Variants in TOP2A observed in about 807,000 individuals in gnomAD.
TOP2A encodes the protein DNA topoisomerase 2-alpha.
A neutral mutation model predicts 187.2 loss-of-function variants in TOP2A; 68 were observed. The ratio of observed to expected loss-of-function variants is 0.36; its 90% CI spans 0.30 to 0.44. TOP2A has a LOEUF of 0.44. TOP2A is among the 20% of genes least tolerant of loss of function. TOP2A has a pLI of 1.00. For synonymous variants in TOP2A, 542 were observed against 593.2 expected, an observed-to-expected ratio of 0.91 and a Z score of 1.25; for missense variants, 1,196 against 1,808.7, an observed-to-expected ratio of 0.66 and a Z score of 6.14.
At chr17:40,408,864 G>A (rs950727133) in intron 10 of TOP2A, 1 of 628,726 alleles carries the variant, frequency 1.6e-6, no homozygotes, top group Non-Finnish European at 2.9e-6. Flanking sequence ...TAATTATATT[G>A]TGCTAGCACT....
At position 40,389,972 on chromosome 17, in the gene TOP2A, G is replaced by C. The variant is rs534100273; in HGVS notation, c.4460C>G (p.Thr1487Arg). 1.2e-6 allele frequency: 2 copies of C among 1,612,904 alleles called. No individual in the cohort carries two copies. Among genetic ancestry groups the C allele is most frequent in the Admixed American group, 3.3e-5 (2 of 59,874 alleles). The change falls in exon 34 of 35, where the codon ACA (threonine) becomes AGA (arginine). Residue 1487 changes from threonine to arginine, a missense_variant. By Grantham distance (71) the Thr-to-Arg change is moderately conservative. Around this residue, in one of 10 missense-constraint regions of TOP2A, gnomAD observed 374 missense variants for 403.3 expected, o/e 0.93. Transcript: ENST00000423485. Reference protein sequence around the residue: ...NFEKIVSKAVTSKKSKGESDD... With the variant: ...NFEKIVSKAVRSKKSKGESDD... ...ACTAGGATCAACACTCACCTTGCTT[G>C]TGACTGCTTTCGAAACAATTTTCTC...
rs768139136 is a variant in TOP2A at position 40,400,332 on chromosome 17, T to A, written c.2877A>T (p.Glu959Asp). Reference sequence around the variant, plus strand: ...ATTTCACAGTGGTATCTGTATGGTATTCCCTATAGTCTGTTATGAGAGGAG... The same window carrying A: ...ATTTCACAGTGGTATCTGTATGGTAATCCCTATAGTCTGTTATGAGAGGAG... ...KTPPLITDYR[E>D]YHTDTTVKFV... is the part of the protein sequence containing the mutation. Residue 959 changes from glutamate to aspartate, a missense_variant, in exon 23 of 35, where the codon GAA becomes GAT. Around this residue, in one of 10 missense-constraint regions of TOP2A, gnomAD observed 232 missense variants for 306.1 expected, o/e 0.76. Coordinates refer to ENST00000423485, the MANE Select transcript of TOP2A (RefSeq NM_001067.4). 8.7e-6 allele frequency: 14 copies of A among 1,613,738 alleles called. No individual in the cohort carries two copies. Among genetic ancestry groups the A allele is most frequent in the African/African-American group, 1.3e-5 (1 of 74,904 alleles).
At chr17:40,405,145 A>G (rs927963485) in intron 16 of TOP2A, among the ~76,000 whole-genome samples, 72 of 150,086 alleles carry the variant, frequency 4.8e-4, no homozygotes, top group Middle Eastern at 3.4e-3. Context: ...GCCCGCCACC[A>G]CGCCCAGCTA....
In TOP2A at chr17:40,403,061, G is replaced by A. The variant is rs574620383; in HGVS notation, c.2284-7C>T. ...TGGTCATCATTAGTGACATCTGTGG[G>A]GAAAAAAAGATTCATTAAGCTGAGG... On this transcript the variant is annotated splice_region_variant and splice_polypyrimidine_tract_variant and intron_variant, in intron 19 of 34. Coordinates refer to ENST00000423485, the MANE Select transcript of TOP2A (RefSeq NM_001067.4). The A allele has an allele frequency of 5.1e-6, 8 of 1,583,154 alleles. No individual in the cohort carries two copies. The Admixed American group carries it at 1.3e-4, about 25-fold the overall frequency.
chr17:40,402,787 T>A, intron 20 of TOP2A, 119 bp downstream of exon 20: 1 of 1,097,570 alleles, frequency 9.1e-7, no homozygotes, highest in Non-Finnish European at 1.3e-6. Context: ...ACCCCTGGCC[T>A]CTGCCACTAG....
chr17:40,413,439 A>G (rs1406139516), intron 5 of TOP2A, 41 bp downstream of exon 5: 31 of 1,461,410 alleles, frequency 2.1e-5, no homozygotes, highest in Non-Finnish European at 2.7e-5. Flanking sequence ...AAATATATAT[A>G]TTTTTAGCAA....
chr17:40,407,561 A>T lies in TOP2A; in HGVS notation c.1614T>A (p.Ile538=). ...LKTLRYGKIM[I]MTDQDQDGSH... ...TAACAAATCTGACCTGATCTGTCAT[A>T]ATCATTATCTTCCCATAACGAAGCG... The change falls in exon 13 of 35, where the codon ATT becomes ATA. Residue 538 remains isoleucine, a synonymous_variant. Transcript: ENST00000423485. The T allele has an allele frequency of 2.5e-6, 4 of 1,583,018 alleles. No homozygotes were observed. The highest frequency in any genetic ancestry group is 3.4e-6 in the Non-Finnish European group (4 of 1,172,676).
chr17:40,401,602 G>A (rs550737442), intron 20 of TOP2A, among the ~76,000 whole-genome samples: 3 of 152,048 alleles, frequency 2.0e-5, no homozygotes, highest in Admixed American at 6.5e-5. Context: ...CCAGCAACAC[G>A]GGAGGCTGAG....
intron 10 of TOP2A, chr17:40,409,333 G>C: frequency 2.5e-6 from 1 of 392,548 alleles, no homozygotes; most frequent in South Asian, 1.9e-5. Flanking sequence ...CTGAGATCAA[G>C]CCACGGCACT....
intron 13 of TOP2A, among the ~76,000 whole-genome samples, 194 bp from the exon 14 acceptor site, chr17:40,407,136 C>T (rs1192906538): frequency 3.3e-5 from 5 of 152,132 alleles, no homozygotes; most frequent in African/African-American, 4.8e-5. Context: ...TGGTGGCATC[C>T]GCCTGCAATC....
chr17:40,389,769 G>T, intron 34 of TOP2A, 122 bp from the exon 35 acceptor site: 1 of 1,351,698 alleles, frequency 7.4e-7, no homozygotes, highest in South Asian at 1.5e-5. Flanking sequence ...GTAATAAGAA[G>T]CAGATCTAAG....
chr17:40,415,057 CT>C (rs199613504), intron 4 of TOP2A, among the ~76,000 whole-genome samples: 2,443 of 140,942 alleles, frequency 0.017, 26 homozygotes, highest in Non-Finnish European at 0.025. Flanking sequence ...ATTAGCTCAA[CT>C]TTTTTTTTTT....
rs2034994671 is a variant in TOP2A, at chr17:40,389,385, T to C, written c.*134A>G. On this transcript the variant is annotated 3_prime_UTR_variant, in exon 35 of 35. Transcript: ENST00000423485. ...AAGCTAAAGAACACTTGGGCTTTAC[T>C]TCACTTTGATGTCTTGTACTAAAAA... is the stretch of plus-strand genomic sequence containing the variant. The C allele has an allele frequency of 1.0e-6, 1 of 998,766 alleles. No homozygotes were observed. Among genetic ancestry groups the C allele is most frequent in the Non-Finnish European group, 1.4e-6 (1 of 700,320 alleles). The allele number at this position is 998,766 out of a possible 1,614,324, so 61.9% of individuals were successfully genotyped here.
intron 29 of TOP2A, 33 bp downstream of exon 29, chr17:40,395,416 C>A: frequency 6.9e-7 from 1 of 1,441,368 alleles, no homozygotes; most frequent in African/African-American, 1.4e-5. Context: ...TTAATCTTCA[C>A]TTTATACCAT....
intron 33 of TOP2A, chr17:40,391,274 T>C (rs1413449452): frequency 7.0e-6 from 3 of 427,658 alleles, no homozygotes; most frequent in Non-Finnish European, 1.2e-5. Flanking sequence ...GGGAAAAGAG[T>C]AGAACAAGGA....
chr17:40,417,511 A>C (rs1368104512), intron 1 of TOP2A: 34 of 1,408,224 alleles, frequency 2.4e-5, no homozygotes, highest in Non-Finnish European at 3.0e-5. Flanking sequence ...ACATGGATCC[A>C]CTACGGGACC....
Position 40,400,646 on chromosome 17 carries a change from G to A in TOP2A, c.2682C>T (p.Asn894=). ...CCAGTTCTTCAATAGTACCCTTGAAGTTCTTGTAACTTGGAAGCTAAATTG... is the reference window on the plus strand; with the variant it reads ...CCAGTTCTTCAATAGTACCCTTGAAATTCTTGTAACTTGGAAGCTAAATTG... The part of the protein sequence containing the change: ...EPLPMLPSYK[N]FKGTIEELAP... The change falls in exon 22 of 35, where the codon AAC becomes AAT. Residue 894 remains asparagine, a synonymous_variant. Transcript: ENST00000423485. 1 of 1,595,296 alleles carries A rather than the reference G, an allele frequency of 6.3e-7. No homozygotes were observed. Among genetic ancestry groups the A allele is most frequent in the East Asian group, 2.2e-5 (1 of 44,748 alleles).
intron 33 of TOP2A, 56 bp downstream of exon 33, chr17:40,391,450 C>T (rs933648042): frequency 2.0e-5 from 30 of 1,514,156 alleles, no homozygotes; most frequent in South Asian, 2.7e-5. Flanking sequence ...GAAATAGACA[C>T]GTGGAAACCA....
chr17:40,401,787 A>G (rs2035184688), intron 20 of TOP2A, among the ~76,000 whole-genome samples: 1 of 152,032 alleles, frequency 6.6e-6, no homozygotes. Flanking sequence ...TTGCAGGCAA[A>G]GGAACCAGTA....
Sources: allele counts gnomAD v4.1 joint callset (sites outside exome capture counted in the v4.1 genomes callset), GRCh38; gene constraint gnomAD v4.1.1; regional missense constraint gnomAD v4.1.1; transcripts MANE v1.5; gene names NCBI Gene and HGNC (gene_info 2026-07-23, HGNC 2026-07-21).